Variants in DNER observed in about 807,000 individuals in gnomAD.
DNER encodes delta and Notch-like epidermal growth factor-related receptor.
A neutral mutation model predicts 78.2 loss-of-function variants in DNER; 33 were observed. That is an observed-to-expected ratio of 0.42 (90% CI 0.32 to 0.56). DNER has a LOEUF of 0.56. Ranked by LOEUF, DNER falls within the 20% of genes least tolerant of loss-of-function variation. DNER has a pLI of 0.11. For missense variants in DNER, 918 were observed against 975.3 expected (o/e 0.94, Z 0.78); for synonymous variants, 417 against 384.8 (o/e 1.08, Z -0.98).
intron 3 of DNER, chr2:229,586,879 G>A: frequency 1.0e-6 from 1 of 985,598 alleles, no homozygotes; most frequent in Non-Finnish European, 1.2e-6. Context: ...CTGGCGTGCA[G>A]CAGGGGCTCA....
Position 229,493,739 on chromosome 2 carries a change from T to C in DNER, c.1148-16486A>G, listed in dbSNP as rs149614756. 4.5e-3 allele frequency among the ~76,000 whole-genome samples: 679 copies of C among 152,306 alleles called. 5 individuals carry two copies. The highest frequency in any genetic ancestry group is 0.014 in the Middle Eastern group (4 of 294). The stretch of plus-strand genomic sequence containing the variant: ...CCAGGCTAGGTACTGGGTGTATGGA[T>C]TGACAACTGATCAGGTACTTGCATT... On this transcript the variant is annotated intron_variant, in intron 6 of 12. Coordinates refer to ENST00000341772, the MANE Select transcript of DNER (RefSeq NM_139072.4).
chr2:229,507,249 T>C (rs144517738), intron 6 of DNER, among the ~76,000 whole-genome samples: 1 of 152,366 alleles, frequency 6.6e-6, no homozygotes, highest in Non-Finnish European at 1.5e-5. Flanking sequence ...CACACCACTG[T>C]TTATGCGGTC....
At chr2:229,431,149 A>G (rs1693995462) in intron 8 of DNER, among the ~76,000 whole-genome samples, 1 of 152,218 alleles carries the variant, frequency 6.6e-6, no homozygotes, top group Admixed American at 6.5e-5. Context: ...TGGAAAGGAA[A>G]CAGTTCTTAA....
intron 4 of DNER, among the ~76,000 whole-genome samples, chr2:229,579,606 T>G (rs1010081463): frequency 1.3e-5 from 2 of 152,050 alleles, no homozygotes; most frequent in African/African-American, 4.8e-5. Context: ...TTTGACTCTC[T>G]CCTGAGAAGG....
intron 1 of DNER, among the ~76,000 whole-genome samples, chr2:229,684,321 C>T (rs1467169776): frequency 6.6e-6 from 1 of 151,690 alleles, no homozygotes; most frequent in Non-Finnish European, 1.5e-5. Context: ...GCTAGGGGAA[C>T]AGATTTAAAT....
chr2:229,391,549 CT>C (rs980670845), intron 10 of DNER, among the ~76,000 whole-genome samples: 3 of 150,518 alleles, frequency 2.0e-5, no homozygotes, highest in Admixed American at 6.6e-5. Context: ...TTTCTTTTTT[CT>C]TTTTTTTTGA....
intron 1 of DNER, among the ~76,000 whole-genome samples, chr2:229,601,489 T>C (rs951382313): frequency 2.0e-5 from 3 of 152,254 alleles, no homozygotes; most frequent in Non-Finnish European, 2.9e-5. Flanking sequence ...CATGTTTTGA[T>C]AGGTCTTTAC....
chr2:229,569,009 G>A (rs959386753), intron 4 of DNER, among the ~76,000 whole-genome samples: 9 of 152,104 alleles, frequency 5.9e-5, no homozygotes, highest in Non-Finnish European at 1.2e-4. Context: ...ACACGAATGT[G>A]CATCTCTGTA....
chr2:229,462,672 G>T (rs1411607664), intron 7 of DNER, among the ~76,000 whole-genome samples: 1 of 152,012 alleles, frequency 6.6e-6, no homozygotes, highest in Non-Finnish European at 1.5e-5. Context: ...TCTCCAAACA[G>T]CAATAATCAT....
intron 8 of DNER, among the ~76,000 whole-genome samples, chr2:229,429,396 T>C (rs533505866): frequency 7.2e-5 from 11 of 152,254 alleles, no homozygotes; most frequent in African/African-American, 2.4e-5. Context: ...CAACAGAGGA[T>C]ACTTATAAAA....
At chr2:229,564,076 T>C (rs1574905227) in intron 4 of DNER, among the ~76,000 whole-genome samples, 2 of 138,892 alleles carry the variant, frequency 1.4e-5, no homozygotes, top group South Asian at 5.0e-4. Flanking sequence ...ATCATCATCA[T>C]CCTCACCCCA....
intron 11 of DNER, among the ~76,000 whole-genome samples, chr2:229,385,842 C>G (rs780646165): frequency 2.6e-5 from 4 of 152,070 alleles, no homozygotes; most frequent in Non-Finnish European, 5.9e-5. Context: ...ATGAAAAAAA[C>G]ATTTCATGCT....
rs116532913 is a variant in DNER, at chr2:229,619,891, G to A, written c.277-28003C>T. 9.9e-3 allele frequency among the ~76,000 whole-genome samples: 1,501 copies of A among 152,086 alleles called. 22 individuals are homozygous for A. Among genetic ancestry groups the A allele is most frequent in the African/African-American group, 0.035 (1,434 of 41,458 alleles). On this transcript the variant is annotated intron_variant, in intron 1 of 12. Coordinates refer to ENST00000341772, the MANE Select transcript of DNER (RefSeq NM_139072.4). ...GGATAATGTTTACATCTATTATTTC[G>A]TCTCTCACCCCACGGGTCATTCTCC...
chr2:229,498,094 T>G (rs1309256512), intron 6 of DNER, among the ~76,000 whole-genome samples: 4 of 152,174 alleles, frequency 2.6e-5, no homozygotes, highest in Admixed American at 2.6e-4. Context: ...CAAGTGGGAT[T>G]TATCCATGGG....
chr2:229,410,044 C>G (rs73100238), intron 9 of DNER, among the ~76,000 whole-genome samples: 7 of 152,090 alleles, frequency 4.6e-5, no homozygotes, highest in Non-Finnish European at 1.0e-4. Context: ...CCTCACCACT[C>G]CCATTCCCAG....
At chr2:229,567,608 C>A (rs1697137012) in intron 4 of DNER, among the ~76,000 whole-genome samples, 1 of 152,158 alleles carries the variant, frequency 6.6e-6, no homozygotes, top group African/African-American at 2.4e-5. Context: ...TCAACCTTAA[C>A]CAGGATTACA....
At chr2:229,693,675 C>T (rs1024548652) in intron 1 of DNER, among the ~76,000 whole-genome samples, 1 of 152,094 alleles carries the variant, frequency 6.6e-6, no homozygotes, top group African/African-American at 2.4e-5. Flanking sequence ...CATTTTGCCC[C>T]TGGACCAGAG....
intron 1 of DNER, among the ~76,000 whole-genome samples, chr2:229,692,584 A>G (rs1302331637): frequency 6.6e-6 from 1 of 152,218 alleles, no homozygotes; most frequent in Non-Finnish European, 1.5e-5. Flanking sequence ...TTTAATGAGC[A>G]GTTACTTCTG....
intron 1 of DNER, among the ~76,000 whole-genome samples, chr2:229,686,493 C>G (rs749918600): frequency 6.6e-6 from 1 of 152,226 alleles, no homozygotes; most frequent in Non-Finnish European, 1.5e-5. Flanking sequence ...GAAATTCAAA[C>G]AAGCCAACAG....
Sources: allele counts gnomAD v4.1 joint callset (sites outside exome capture counted in the v4.1 genomes callset), GRCh38; gene constraint gnomAD v4.1.1; transcripts MANE v1.5; gene names NCBI Gene and HGNC (gene_info 2026-07-23, HGNC 2026-07-21).